FKBP11: variants seen among roughly 807,000 people sequenced by gnomAD.
FKBP11 encodes the protein peptidyl-prolyl cis-trans isomerase FKBP11.
A neutral mutation model predicts 24.7 loss-of-function variants in FKBP11; 21 were observed. That is an observed-to-expected ratio of 0.85 (90% CI 0.60 to 1.23). FKBP11 has a LOEUF of 1.23. FKBP11 is among the 50% of genes most tolerant of loss of function. FKBP11 has a pLI of 0.00. For synonymous variants in FKBP11, 106 were observed against 100.6 expected (o/e 1.05, Z -0.32); for missense variants, 245 against 248.7 (o/e 0.99, Z 0.10).
chr12:48,928,206 G>A (rs975527983), upstream of FKBP11, among the ~76,000 whole-genome samples: 44 of 151,072 alleles, frequency 2.9e-4, no homozygotes, highest in African/African-American at 7.8e-4. Context: ...CACCACACCC[G>A]GCTAATTTTT....
chr12:48,925,026 C>T lies in FKBP11; in HGVS notation c.195+20G>A, dbSNP rs201837801. 3 of 1,595,260 alleles carry T rather than the reference C, an allele frequency of 1.9e-6. No homozygotes were observed. Among genetic ancestry groups the T allele is most frequent in the East Asian group, 4.5e-5 (2 of 44,620 alleles). On this transcript the variant is annotated intron_variant, in intron 2 of 5. Coordinates refer to ENST00000550765, the MANE Select transcript of FKBP11 (RefSeq NM_016594.3). The stretch of plus-strand genomic sequence containing the variant: ...CGCCGCCCCCTCCCAGGCCCCGCCC[C>T]GGCCCCCCAGACCCCTCACCGTGTA...
At chr12:48,925,010 C>T (rs752812932) in intron 2 of FKBP11, 36 bp downstream of exon 2, 14 of 1,578,532 alleles carry the variant, frequency 8.9e-6, no homozygotes, top group East Asian at 2.3e-5. Flanking sequence ...GCGCCGCCCC[C>T]TCCCAGGCCC....
chr12:48,938,283 T>C, the FKBP11 span: 1 of 419,744 alleles, frequency 2.4e-6, no homozygotes, highest in East Asian at 7.2e-5. Flanking sequence ...GAGAGGAGGG[T>C]AACCAGTCAA....
chr12:48,924,476 G>C, intron 3 of FKBP11, 85 bp downstream of exon 3: 1 of 1,341,942 alleles, frequency 7.5e-7, no homozygotes, highest in Non-Finnish European at 1.1e-6. Context: ...TTTCAGGGGG[G>C]ATTTCCAGGG....
upstream of FKBP11, among the ~76,000 whole-genome samples, chr12:48,927,031 A>G (rs1939983697): frequency 6.6e-6 from 1 of 151,856 alleles, no homozygotes; most frequent in South Asian, 2.1e-4. Flanking sequence ...ACTGCTCTCA[A>G]ACTGCTGACC....
chr12:48,925,036 G>T lies in FKBP11; in HGVS notation c.195+10C>A. The T allele has an allele frequency of 3.2e-6, 3 of 940,446 alleles. No individual in the cohort carries two copies. The highest frequency in any genetic ancestry group is 3.2e-6 in the Non-Finnish European group (2 of 617,846). The allele number at this position is 940,446 out of a possible 1,614,324, so 58.3% of individuals were successfully genotyped here. ...TCCCAGGCCCCGCCCCGGCCCCCCA[G>T]ACCCCTCACCGTGTAGTGTATGTGA... On this transcript the variant is annotated intron_variant, in intron 2 of 5. Transcript: ENST00000550765.
chr12:48,928,043 CTTT>C (rs34076093), upstream of FKBP11, among the ~76,000 whole-genome samples: 6 of 88,462 alleles, frequency 6.8e-5, no homozygotes, highest in Admixed American at 3.1e-4. Flanking sequence ...TGCCAGATAC[CTTT>C]TTTTTTTTTT....
chr12:48,928,032 C>T (rs1329082287), upstream of FKBP11, among the ~76,000 whole-genome samples: 1 of 143,366 alleles, frequency 7.0e-6, no homozygotes, highest in African/African-American at 2.6e-5. Context: ...TTCAGACCAG[C>T]TGCCAGATAC....
At chr12:48,924,327 G>C in intron 3 of FKBP11, 71 bp from the exon 4 acceptor site, 1 of 1,577,522 alleles carries the variant, frequency 6.3e-7, no homozygotes. Context: ...GAAGATCAAA[G>C]TCTTCCTCCT....
In FKBP11 at chr12:48,925,324, G is replaced by C. The variant is rs766687910; in HGVS notation, c.105C>G (p.Val35=). 1.2e-5 allele frequency: 19 copies of C among 1,611,682 alleles called. No homozygotes were observed. Among genetic ancestry groups the C allele is most frequent in the Middle Eastern group, 1.7e-4 (1 of 6,060 alleles). Residue 35 remains valine (V), a synonymous_variant, in exon 1 of 6, where the codon GTC becomes GTG. Transcript: ENST00000550765. Reference sequence around the variant, plus strand: ...CCAGGGTCTCCACTTGGAGGGTCCGGACGGGACTTTCGGTTTCGAGCCCAG... The same window carrying C: ...CCAGGGTCTCCACTTGGAGGGTCCGCACGGGACTTTCGGTTTCGAGCCCAG... ...AEAGLETESP[V]RTLQVETLVE...
At chr12:48,924,905 C>T in intron 2 of FKBP11, 141 bp downstream of exon 2, 1 of 1,439,756 alleles carries the variant, frequency 6.9e-7, no homozygotes, top group Non-Finnish European at 9.1e-7. Flanking sequence ...CAACGTCTCT[C>T]CCCTCGCCAC....
the FKBP11 span, chr12:48,938,638 A>G: frequency 2.3e-6 from 1 of 430,782 alleles, no homozygotes; most frequent in Non-Finnish European, 4.6e-6. Context: ...CAAAGAGAAT[A>G]CCCCACTCGA....
the FKBP11 span, among the ~76,000 whole-genome samples, chr12:48,932,243 ATATATATATATATATATATTTTTT>A: frequency 2.7e-5 from 1 of 37,442 alleles, no homozygotes; most frequent in African/African-American, 1.2e-4. Context: ...ATATATATAT[ATATATATATATATATATATTTTTT>A]TTTTTTTTTT....
At chr12:48,922,429 A>G (rs1018935222) in intron 5 of FKBP11, 1 of 760,854 alleles carries the variant, frequency 1.3e-6, no homozygotes, top group Non-Finnish European at 1.8e-6. Context: ...GGGTCCAGTG[A>G]CAAGTCTTTG....
At chr12:48,933,084 G>T in the FKBP11 span, among the ~76,000 whole-genome samples, 1 of 152,132 alleles carries the variant, frequency 6.6e-6, no homozygotes, top group African/African-American at 2.4e-5. Context: ...AAGCCTTGAT[G>T]GTGAATGGTC....
chr12:48,925,468 C>A lies in FKBP11; in HGVS notation c.-40G>T. On this transcript the variant is annotated 5_prime_UTR_variant, in exon 1 of 6. Coordinates refer to ENST00000550765, the MANE Select transcript of FKBP11 (RefSeq NM_016594.3). ...CAGGGAGCCGGGGCACCAGGACAGG[C>A]TGTTCGGGTGGCGGCAGCCAGGACA... 7.2e-6 allele frequency: 11 copies of A among 1,533,888 alleles called. No homozygotes were observed. Among genetic ancestry groups the A allele is most frequent in the Non-Finnish European group, 9.6e-6 (11 of 1,140,370 alleles).
chr12:48,922,211 C>A lies in FKBP11; in HGVS notation c.389-10G>T. 1 of 1,608,172 alleles carries A rather than the reference C, an allele frequency of 6.2e-7. No individual in the cohort carries two copies. The highest frequency in any genetic ancestry group is 8.5e-7 in the Non-Finnish European group (1 of 1,175,702). On this transcript the variant is annotated splice_polypyrimidine_tract_variant and intron_variant, in intron 5 of 5. Coordinates refer to ENST00000550765, the MANE Select transcript of FKBP11 (RefSeq NM_016594.3). ...TGCACCACTGCATCCGCTGGAGAGG[C>A]AGAGGGGTGGAGAGGGTTAGACTCT...
upstream of FKBP11, among the ~76,000 whole-genome samples, chr12:48,927,510 A>G (rs527241474): frequency 3.9e-5 from 6 of 152,314 alleles, no homozygotes; most frequent in East Asian, 3.9e-4. Flanking sequence ...ACGTATCAAG[A>G]TATTTTTTAA....
chr12:48,922,268 G>T, intron 5 of FKBP11, 67 bp from the exon 6 acceptor site: 1 of 1,448,284 alleles, frequency 6.9e-7, no homozygotes, highest in South Asian at 1.2e-5. Flanking sequence ...GAATCTGAAT[G>T]AAAATAGGGA....
Sources: allele counts gnomAD v4.1 joint callset (sites outside exome capture counted in the v4.1 genomes callset), GRCh38; gene constraint gnomAD v4.1.1; transcripts MANE v1.5; gene names NCBI Gene and HGNC (gene_info 2026-07-23, HGNC 2026-07-21).